ADGRV1: variants seen among roughly 807,000 people sequenced by gnomAD.
The protein encoded by ADGRV1 is adhesion G protein-coupled receptor V1.
A neutral mutation model predicts 596.2 loss-of-function variants in ADGRV1; 359 were observed. That is an observed-to-expected ratio of 0.60 (90% CI 0.55 to 0.66). ADGRV1 has a LOEUF of 0.66. Among genes scored for constraint, ADGRV1 ranks in the 30% least tolerant of loss-of-function variants. ADGRV1 has a pLI of 0.00. For missense variants in ADGRV1, 7,274 were observed against 7,575.6 expected, an observed-to-expected ratio of 0.96 and a Z score of 1.48; for synonymous variants, 2,681 against 2,679.2, an observed-to-expected ratio of 1.00 and a Z score of -0.02.
chr5:90,745,893 G>A, intron 52 of ADGRV1, 98 bp downstream of exon 52: 1 of 704,936 alleles, frequency 1.4e-6, no homozygotes, highest in Non-Finnish European at 2.4e-6. Flanking sequence ...CATAGTTTGA[G>A]TGTCATCAGC....
At chr5:90,765,555 A>G (rs1279774170) in intron 59 of ADGRV1, among the ~76,000 whole-genome samples, 1 of 152,104 alleles carries the variant, frequency 6.6e-6, no homozygotes, top group East Asian at 1.9e-4. Flanking sequence ...TACATGTGAT[A>G]ATTTGATGCA....
chr5:90,623,237 A>G (rs1231383641), intron 5 of ADGRV1, among the ~76,000 whole-genome samples: 1 of 152,252 alleles, frequency 6.6e-6, no homozygotes, highest in Non-Finnish European at 1.5e-5. Context: ...ATGAAATACA[A>G]GTAACATTTT....
chr5:90,968,494 T>C (rs1263626251), intron 84 of ADGRV1, among the ~76,000 whole-genome samples: 1 of 152,224 alleles, frequency 6.6e-6, no homozygotes, highest in Non-Finnish European at 1.5e-5. Context: ...TCTGGATGGC[T>C]AATGGCTTAG....
At chr5:91,045,733 G>C (rs1284637118) in intron 85 of ADGRV1, among the ~76,000 whole-genome samples, 1 of 152,094 alleles carries the variant, frequency 6.6e-6, no homozygotes, top group Non-Finnish European at 1.5e-5. Flanking sequence ...AGGTCAAACT[G>C]TTGCTGTTTA....
At chr5:91,153,852 C>T (rs992384174) in intron 89 of ADGRV1, among the ~76,000 whole-genome samples, 1 of 152,172 alleles carries the variant, frequency 6.6e-6, no homozygotes, top group African/African-American at 2.4e-5. Flanking sequence ...TTCTTTGACC[C>T]TCCTATTTAC....
chr5:90,714,705 A>T (rs1221641478), intron 42 of ADGRV1, among the ~76,000 whole-genome samples: 1 of 152,146 alleles, frequency 6.6e-6, no homozygotes, highest in African/African-American at 2.4e-5. Context: ...AGAGAATGAA[A>T]CATCCATTAG....
intron 29 of ADGRV1, among the ~76,000 whole-genome samples, chr5:90,687,532 T>G (rs13171056): frequency 0.06 from 9,111 of 152,198 alleles, 404 homozygotes; most frequent in Non-Finnish European, 0.089. Flanking sequence ...CAACATAGTG[T>G]TGGAAGTTCT....
At chr5:91,035,861 T>TATATATATAATATA in intron 85 of ADGRV1, among the ~76,000 whole-genome samples, 3 of 96,402 alleles carry the variant, frequency 3.1e-5, no homozygotes, top group East Asian at 2.5e-4. Flanking sequence ...TATATATATA[T>TATATATATAATATA]TATATATATA....
intron 50 of ADGRV1, among the ~76,000 whole-genome samples, chr5:90,735,833 G>A (rs1404740160): frequency 3.3e-5 from 5 of 151,992 alleles, no homozygotes; most frequent in East Asian, 1.9e-4. Flanking sequence ...TGTATCCTAC[G>A]ACTTTACTGA....
At chr5:90,618,603 C>A (rs1763662936) in intron 3 of ADGRV1, among the ~76,000 whole-genome samples, 1 of 152,062 alleles carries the variant, frequency 6.6e-6, no homozygotes, top group Admixed American at 6.5e-5. Context: ...TGTTGAATAT[C>A]AGTACAAATG....
Position 90,820,888 on chromosome 5 carries a change from T to C in ADGRV1, c.16197-2537T>C, listed in dbSNP as rs569020959. Among the ~76,000 whole-genome samples the C allele has an allele frequency of 2.6e-3, 396 of 152,248 alleles. 1 individual carries two copies. The highest frequency in any genetic ancestry group is 9.2e-3 in the African/African-American group (382 of 41,566). On this transcript the variant is annotated intron_variant, in intron 75 of 89. Coordinates refer to ENST00000405460, the MANE Select transcript of ADGRV1 (RefSeq NM_032119.4). ...TCAACTTTGGTGAATCTGACAGTTA[T>C]GTGTCTTGGAGTTGCTCTTCTCGAG...
At chr5:90,921,799 T>G (rs1305902203) in intron 83 of ADGRV1, among the ~76,000 whole-genome samples, 1 of 150,438 alleles carries the variant, frequency 6.6e-6, no homozygotes, top group Non-Finnish European at 1.5e-5. Context: ...GTGTCTTGTT[T>G]TTTTTTTTTT....
chr5:91,091,924 A>T (rs1368081388), intron 86 of ADGRV1: 1 of 152,062 alleles, frequency 6.6e-6, no homozygotes, highest in Non-Finnish European at 1.5e-5. Flanking sequence ...TTTTGGAAAC[A>T]CTCTCACAGA....
Position 90,783,274 on chromosome 5 carries a change from A to G in ADGRV1, c.13382A>G (p.His4461Arg), listed in dbSNP as rs182698253. The change falls in exon 66 of 90, where the codon CAT (histidine) becomes CGT (arginine). Residue 4461 changes from histidine (H) to arginine (R), a missense_variant. Transcript: ENST00000405460. ...ILHGSTVTFQHGQNLSFINIS... is the reference protein window; with the variant it reads ...ILHGSTVTFQRGQNLSFINIS... ...CATGGCAGTACAGTCACCTTTCAGC[A>G]TGGGCAAAACTTAAGTTTTATAAAT... is the stretch of plus-strand genomic sequence containing the variant. 1.7e-4 allele frequency: 275 copies of G among 1,613,566 alleles called. No homozygotes were observed. Among genetic ancestry groups the G allele is most frequent in the Admixed American group, 2.3e-4 (14 of 59,964 alleles).
intron 85 of ADGRV1, among the ~76,000 whole-genome samples, chr5:91,038,500 G>A (rs1180300126): frequency 6.6e-6 from 1 of 152,076 alleles, no homozygotes; most frequent in Non-Finnish European, 1.5e-5. Flanking sequence ...GAAGAGAAAT[G>A]AATGGATTCA....
chr5:90,577,991 A>G (rs1262293439), intron 1 of ADGRV1, among the ~76,000 whole-genome samples: 3 of 152,212 alleles, frequency 2.0e-5, no homozygotes, highest in Non-Finnish European at 4.4e-5. Flanking sequence ...GAAGTTGCTT[A>G]TCAGCTTAAG....
chr5:90,613,963 T>C (rs1288453763), intron 1 of ADGRV1, among the ~76,000 whole-genome samples: 1 of 152,072 alleles, frequency 6.6e-6, no homozygotes, highest in Non-Finnish European at 1.5e-5. Context: ...TTCGTGTGAA[T>C]GATCACATAG....
chr5:90,645,763 C>T (rs1208537239), intron 15 of ADGRV1, among the ~76,000 whole-genome samples: 1 of 152,068 alleles, frequency 6.6e-6, no homozygotes, highest in Non-Finnish European at 1.5e-5. Flanking sequence ...AATGAAGTGG[C>T]TGTTTGTATG....
chr5:90,753,712 GCTA>G lies in ADGRV1; in HGVS notation c.11264_11266del (p.Thr3755del). ...AGGGGTTGAGGACTCATACAAAGGT[GCTA>G]CTATTGATCAGGACAGAAGCAAGTC... On this transcript the variant is annotated inframe_deletion, in exon 54 of 90. Coordinates refer to ENST00000405460, the MANE Select transcript of ADGRV1 (RefSeq NM_032119.4). 1 of 1,613,650 alleles carries G rather than the reference GCTA, an allele frequency of 6.2e-7. No homozygotes were observed. Among genetic ancestry groups the G allele is most frequent in the Non-Finnish European group, 8.5e-7 (1 of 1,179,696 alleles).
Sources: allele counts gnomAD v4.1 joint callset (sites outside exome capture counted in the v4.1 genomes callset), GRCh38; gene constraint gnomAD v4.1.1; transcripts MANE v1.5; gene names NCBI Gene and HGNC (gene_info 2026-07-23, HGNC 2026-07-21).